The following SLIT2 variants were observed in gnomAD, a reference collection of about 807,000 sequenced individuals.
SLIT2 encodes slit guidance ligand 2.
A neutral mutation model predicts 185.7 loss-of-function variants in SLIT2; 41 were observed. The ratio of observed to expected loss-of-function variants is 0.22; its 90% CI spans 0.17 to 0.29. The LOEUF is 0.29. Among genes scored for constraint, SLIT2 ranks in the 10% least tolerant of loss-of-function variants. The probability of loss-of-function intolerance (pLI) is 1.00; values close to 1 mark genes in which losing one functional copy is unlikely to be tolerated. For missense variants in SLIT2, 1,571 were observed against 1,909.0 expected, an observed-to-expected ratio of 0.82 and a Z score of 3.30; for synonymous variants, 693 against 680.2, an observed-to-expected ratio of 1.02 and a Z score of -0.29.
At chr4:20,380,541 A>C (rs1724415399) in intron 4 of SLIT2, among the ~76,000 whole-genome samples, 3 of 152,168 alleles carry the variant, frequency 2.0e-5, no homozygotes. Context: ...CATGTAGGAC[A>C]TGGAGGAAAA....
chr4:20,576,974 G>T (rs1467237104), intron 29 of SLIT2, among the ~76,000 whole-genome samples: 1 of 147,668 alleles, frequency 6.8e-6, no homozygotes, highest in Non-Finnish European at 1.5e-5. Flanking sequence ...ATTTGGAGAG[G>T]TAAGTTTTTT....
intron 4 of SLIT2, among the ~76,000 whole-genome samples, chr4:20,313,684 G>T (rs1369376497): frequency 6.6e-6 from 1 of 152,164 alleles, no homozygotes; most frequent in Non-Finnish European, 1.5e-5. Flanking sequence ...TGGAATGGGT[G>T]GGGGATTGTT....
chr4:20,607,858 G>T (rs1486741720), intron 33 of SLIT2, among the ~76,000 whole-genome samples: 1 of 152,088 alleles, frequency 6.6e-6, no homozygotes, highest in Non-Finnish European at 1.5e-5. Flanking sequence ...TACTTGGAAA[G>T]CTGTGTATAA....
At chr4:20,488,519 G>A (rs1014708183) in intron 7 of SLIT2, among the ~76,000 whole-genome samples, 2 of 151,898 alleles carry the variant, frequency 1.3e-5, no homozygotes, top group Admixed American at 6.6e-5. Context: ...TGTTGGAACT[G>A]TGGAGCAATT....
intron 9 of SLIT2, among the ~76,000 whole-genome samples, chr4:20,495,217 G>A (rs1718125347): frequency 6.6e-6 from 1 of 152,168 alleles, no homozygotes; most frequent in Non-Finnish European, 1.5e-5. Context: ...GCTGAGAAAG[G>A]ATTTTTTGAA....
At chr4:20,511,417 T>A (rs1288011564) in intron 11 of SLIT2, among the ~76,000 whole-genome samples, 1 of 147,346 alleles carries the variant, frequency 6.8e-6, no homozygotes, top group Non-Finnish European at 1.5e-5. Flanking sequence ...CATTTTTTTA[T>A]TTCTTTTTTT....
At chr4:20,323,950 C>A (rs1311611115) in intron 4 of SLIT2, among the ~76,000 whole-genome samples, 1 of 152,174 alleles carries the variant, frequency 6.6e-6, no homozygotes, top group African/African-American at 2.4e-5. Flanking sequence ...ATAACATGAT[C>A]CTGAAGGCAC....
chr4:20,603,527 CT>C (rs922367004), intron 33 of SLIT2, among the ~76,000 whole-genome samples: 3 of 152,070 alleles, frequency 2.0e-5, no homozygotes, highest in Non-Finnish European at 2.9e-5. Flanking sequence ...AAAACATAAA[CT>C]TTTTTTAACA....
At chr4:20,416,258 C>A (rs973012831) in intron 4 of SLIT2, among the ~76,000 whole-genome samples, 1 of 152,140 alleles carries the variant, frequency 6.6e-6, no homozygotes, top group African/African-American at 2.4e-5. Context: ...AAGGCACCAG[C>A]AGATTTGGTT....
At chr4:20,483,275 A>T (rs1716892765) in intron 6 of SLIT2, among the ~76,000 whole-genome samples, 1 of 152,012 alleles carries the variant, frequency 6.6e-6, no homozygotes, top group South Asian at 2.1e-4. Context: ...GATATATATG[A>T]GCGTACAAAG....
chr4:20,288,839 G>A (rs1172681216), intron 4 of SLIT2, among the ~76,000 whole-genome samples: 3 of 152,208 alleles, frequency 2.0e-5, no homozygotes, highest in Non-Finnish European at 4.4e-5. Flanking sequence ...CCATCAGTGT[G>A]CCTTGTGCTT....
intron 4 of SLIT2, among the ~76,000 whole-genome samples, chr4:20,343,337 G>T (rs73234467): frequency 0.045 from 6,841 of 151,772 alleles, 242 homozygotes; most frequent in Non-Finnish European, 0.071. Flanking sequence ...TTTATCCCTG[G>T]CTTATTTCAC....
In SLIT2 at chr4:20,253,279, C is replaced by G. The variant is rs1185079111; in HGVS notation, c.-537C>G. ...CCCAGTTGCCCCGCGCGCTCTGCTA[C>G]GGGCCCGCTGGGCTTCCGCGCCTTC... On this transcript the variant is annotated 5_prime_UTR_variant, in exon 1 of 37. Coordinates refer to ENST00000504154, the MANE Select transcript of SLIT2 (RefSeq NM_004787.4). 1 of 155,734 alleles carries G rather than the reference C, an allele frequency of 6.4e-6. No individual in the cohort carries two copies. The highest frequency in any genetic ancestry group is 1.4e-5 in the Non-Finnish European group (1 of 70,488). 9.6% of individuals were successfully genotyped at this position (155,734 alleles called of 1,614,324 possible).
chr4:20,567,041 T>G (rs954316769), intron 26 of SLIT2, among the ~76,000 whole-genome samples: 6 of 151,996 alleles, frequency 3.9e-5, no homozygotes, highest in African/African-American at 2.4e-5. Context: ...CCACACTGAC[T>G]TCAGAGAGGC....
In SLIT2 at chr4:20,616,907, C is replaced by T. The variant is rs1319851347; in HGVS notation, c.3848-3C>T. 6.3e-7 allele frequency: 1 copy of T among 1,586,386 alleles called. No individual in the cohort carries two copies. Among genetic ancestry groups the T allele is most frequent in the Non-Finnish European group, 8.6e-7 (1 of 1,160,136 alleles). On this transcript the variant is annotated splice_polypyrimidine_tract_variant and splice_region_variant and intron_variant, in intron 34 of 36. Coordinates refer to ENST00000504154, the MANE Select transcript of SLIT2 (RefSeq NM_004787.4). ...TGACCTCTGACCTGGTGTTCCTCCC[C>T]AGGCATGCCAGGGAAGAGTAACGTG...
intron 11 of SLIT2, among the ~76,000 whole-genome samples, chr4:20,517,896 T>C (rs763643142): frequency 3.3e-5 from 5 of 151,928 alleles, no homozygotes; most frequent in Non-Finnish European, 7.4e-5. Context: ...TTTCTTTATA[T>C]GTTATGGCAG....
intron 4 of SLIT2, among the ~76,000 whole-genome samples, chr4:20,431,294 G>GCA (rs1481216515): frequency 6.6e-6 from 1 of 152,190 alleles, no homozygotes; most frequent in African/African-American, 2.4e-5. Flanking sequence ...TTTTGGAAGG[G>GCA]GATGGAGTAG....
chr4:20,318,400 A>C (rs974310584), intron 4 of SLIT2, among the ~76,000 whole-genome samples: 5 of 152,178 alleles, frequency 3.3e-5, no homozygotes, highest in African/African-American at 9.6e-5. Context: ...GAACTTCATC[A>C]ATACCAAAAG....
At chr4:20,434,846 T>C (rs567753298) in intron 4 of SLIT2, among the ~76,000 whole-genome samples, 4 of 152,266 alleles carry the variant, frequency 2.6e-5, no homozygotes, top group Admixed American at 2.6e-4. Flanking sequence ...TGCAAAGAAA[T>C]GTATGAAAGC....
Sources: gnomAD v4.1 joint callset for allele counts (sites outside exome capture counted in the v4.1 genomes callset) on GRCh38, gnomAD v4.1.1 for gene constraint, MANE v1.5 for transcripts, NCBI Gene and HGNC (gene_info 2026-07-23, HGNC 2026-07-21) for gene names.